The following GALNT18 variants were observed in gnomAD, a reference collection of about 807,000 sequenced individuals.
GALNT18 encodes the protein polypeptide N-acetylgalactosaminyltransferase 18, also known as GalNAc-transferase 18.
GALNT18 carries 44 observed loss-of-function variants against 69.5 expected under a neutral mutation model. The ratio of observed to expected loss-of-function variants is 0.63; its 90% CI spans 0.50 to 0.81. The LOEUF is 0.81. Ranked by LOEUF, GALNT18 falls within the 40% of genes least tolerant of loss-of-function variation. The pLI, the probability that GALNT18 is intolerant of heterozygous loss-of-function variation, is 0.00. For missense variants in GALNT18, 715 were observed against 810.0 expected (o/e 0.88, Z 1.42); for synonymous variants, 364 against 318.2 (o/e 1.14, Z -1.53).
At chr11:11,556,252 T>C (rs1193937581) in intron 1 of GALNT18, among the ~76,000 whole-genome samples, 4 of 152,344 alleles carry the variant, frequency 2.6e-5, no homozygotes, top group South Asian at 2.1e-4. Context: ...ATCAGGACTG[T>C]GCAGCTTGGA....
In GALNT18 at chr11:11,341,695, C is replaced by T. The variant is rs114133302; in HGVS notation, c.1093-691G>A. Among the ~76,000 whole-genome samples the T allele has an allele frequency of 4.1e-3, 632 of 152,318 alleles. 4 individuals carry two copies. The highest frequency in any genetic ancestry group is 0.015 in the African/African-American group (612 of 41,568). On this transcript the variant is annotated intron_variant, in intron 6 of 10. Transcript: ENST00000227756. This position sits in a 1 kb window ranked among gnomAD's most constrained non-coding sequence, Gnocchi z 6.3. ...CTCAAAGCTCTCGCTACAATCTTTC[C>T]AGCCATCCTGACCTTTCAATGTTCC...
At chr11:11,401,713 T>C (rs920224084) in intron 3 of GALNT18, among the ~76,000 whole-genome samples, 32 of 152,250 alleles carry the variant, frequency 2.1e-4, no homozygotes, top group African/African-American at 7.5e-4. Flanking sequence ...CAGTACACAA[T>C]GCACATTCAG....
chr11:11,468,909 T>C (rs1386168516), intron 1 of GALNT18, among the ~76,000 whole-genome samples: 4 of 152,116 alleles, frequency 2.6e-5, no homozygotes, highest in Non-Finnish European at 5.9e-5. Context: ...CGTTCTCCAG[T>C]GTGAGATGGA....
intron 6 of GALNT18, among the ~76,000 whole-genome samples, chr11:11,370,018 C>T (rs1314054060): frequency 1.3e-5 from 2 of 152,144 alleles, no homozygotes; most frequent in African/African-American, 2.4e-5. Flanking sequence ...TTCTCTACCT[C>T]TTACGAGGTA....
chr11:11,271,306 G>T lies in GALNT18; in HGVS notation c.1678-16C>A. 6.2e-7 allele frequency: 1 copy of T among 1,611,452 alleles called. No individual in the cohort carries two copies. The highest frequency in any genetic ancestry group is 1.1e-5 in the South Asian group (1 of 91,010). On this transcript the variant is annotated splice_polypyrimidine_tract_variant and intron_variant, in intron 10 of 10. Coordinates refer to ENST00000227756, the MANE Select transcript of GALNT18 (RefSeq NM_198516.3). ...TGGGTCCTCCCTAGGGGCCAGGGCA[G>T]ACAGTGGGGTCAGAGGGCATAGAGG...
chr11:11,272,227 TTATC>T (rs1848842795), intron 10 of GALNT18, among the ~76,000 whole-genome samples: 1 of 152,210 alleles, frequency 6.6e-6, no homozygotes, highest in Non-Finnish European at 1.5e-5. Flanking sequence ...ACATTTTCAT[TTATC>T]TATCCTTTCA....
intron 1 of GALNT18, among the ~76,000 whole-genome samples, chr11:11,507,559 T>C (rs542251610): frequency 3.0e-4 from 45 of 152,346 alleles, no homozygotes; most frequent in Non-Finnish European, 5.3e-4. Flanking sequence ...AGTTCTTACA[T>C]AGATCCAAGC....
At chr11:11,284,791 T>C (rs542392196) in intron 10 of GALNT18, among the ~76,000 whole-genome samples, 3 of 151,246 alleles carry the variant, frequency 2.0e-5, no homozygotes, top group African/African-American at 4.9e-5. Context: ...TCAAAGCATG[T>C]GTGGGACATT....
chr11:11,534,267 G>C (rs970454257), intron 1 of GALNT18, among the ~76,000 whole-genome samples: 1 of 152,184 alleles, frequency 6.6e-6, no homozygotes, highest in Non-Finnish European at 1.5e-5. Context: ...CCCTGAGGGA[G>C]GCTGATATTC....
chr11:11,339,027 G>A lies in GALNT18; in HGVS notation c.1278+1792C>T, dbSNP rs554975568. 6.6e-6 allele frequency among the ~76,000 whole-genome samples: 1 copy of A among 152,316 alleles called. No homozygotes were observed. The highest frequency in any genetic ancestry group is 2.1e-4 in the South Asian group (1 of 4,828). On this transcript the variant is annotated intron_variant, in intron 7 of 10. Coordinates refer to ENST00000227756, the MANE Select transcript of GALNT18 (RefSeq NM_198516.3). This position sits in a 1 kb window ranked among gnomAD's most constrained non-coding sequence, Gnocchi z 5.2. ...ATGTTGACCTTGACAAAGCAGTCTT[G>A]ATGAAGTATCAGGATATAGCTTGGG...
intron 6 of GALNT18, chr11:11,352,231 C>T (rs752249336): frequency 1.7e-5 from 28 of 1,613,950 alleles, no homozygotes; most frequent in Non-Finnish European, 2.4e-5. Flanking sequence ...AAATCCAAGG[C>T]CTCAGGGCTG....
Position 11,377,087 on chromosome 11 carries a change from A to G in GALNT18, c.977+95T>C. 1 of 1,218,372 alleles carries G rather than the reference A, an allele frequency of 8.2e-7. No homozygotes were observed. Among genetic ancestry groups the G allele is most frequent in the Admixed American group, 1.8e-5 (1 of 54,842 alleles). The allele number at this position is 1,218,372 out of a possible 1,614,324, so 75.5% of individuals were successfully genotyped here. On this transcript the variant is annotated intron_variant, in intron 5 of 10. Coordinates refer to ENST00000227756, the MANE Select transcript of GALNT18 (RefSeq NM_198516.3). This position sits in a 1 kb window ranked among gnomAD's most constrained non-coding sequence, Gnocchi z 4.6. ...CCTGCCCACCCCTGTCATCCCCACG[A>G]TGGGGCTCAAGTTGGAGAATAAGCA...
chr11:11,544,466 G>T (rs1320846955), intron 1 of GALNT18, among the ~76,000 whole-genome samples: 1 of 152,208 alleles, frequency 6.6e-6, no homozygotes, highest in African/African-American at 2.4e-5. Context: ...CTTGGTAGAT[G>T]CCAGAAGCTA....
intron 3 of GALNT18, among the ~76,000 whole-genome samples, chr11:11,423,572 G>T (rs1340463492): frequency 6.6e-6 from 1 of 152,182 alleles, no homozygotes; most frequent in Non-Finnish European, 1.5e-5. Context: ...CTAGGACACA[G>T]ACACACCCTT....
At chr11:11,473,385 C>T (rs1196371508) in intron 1 of GALNT18, among the ~76,000 whole-genome samples, 3 of 152,112 alleles carry the variant, frequency 2.0e-5, no homozygotes, top group South Asian at 4.2e-4. Context: ...TTCAAACATT[C>T]GAAATGAAAG....
At chr11:11,391,602 T>G (rs374842940) in intron 3 of GALNT18, among the ~76,000 whole-genome samples, 1 of 152,386 alleles carries the variant, frequency 6.6e-6, no homozygotes, top group South Asian at 2.1e-4. Flanking sequence ...CTATCTTTTT[T>G]TCTCATTCAC....
chr11:11,437,596 G>C (rs114889312), intron 2 of GALNT18, among the ~76,000 whole-genome samples: 1 of 152,082 alleles, frequency 6.6e-6, no homozygotes, highest in Non-Finnish European at 1.5e-5. Flanking sequence ...GTAAAGCCCA[G>C]TTCTCGGCCA....
chr11:11,285,246 C>T (rs1423377617), intron 10 of GALNT18, among the ~76,000 whole-genome samples: 1 of 152,018 alleles, frequency 6.6e-6, no homozygotes, highest in East Asian at 1.9e-4. Flanking sequence ...AAGCATGGAC[C>T]CCAGAGGCAG....
intron 1 of GALNT18, among the ~76,000 whole-genome samples, chr11:11,457,916 G>A (rs1190840919): frequency 6.6e-6 from 1 of 152,226 alleles, no homozygotes; most frequent in African/African-American, 2.4e-5. Flanking sequence ...CAAAGCTCTG[G>A]TTGTTTGGTG....
Sources: allele counts gnomAD v4.1 joint callset (sites outside exome capture counted in the v4.1 genomes callset), GRCh38; gene constraint gnomAD v4.1.1; non-coding constraint Gnocchi (gnomAD v3.1); transcripts MANE v1.5; gene names NCBI Gene and HGNC (gene_info 2026-07-23, HGNC 2026-07-21).